The following SPIDR variants were observed in gnomAD, a reference collection of about 807,000 sequenced individuals.
SPIDR encodes scaffold protein involved in DNA repair.
A neutral mutation model predicts 104.6 loss-of-function variants in SPIDR; 93 were observed. That is an observed-to-expected ratio of 0.89 (90% CI 0.75 to 1.06). SPIDR has a LOEUF of 1.06. SPIDR is among the 50% of genes least tolerant of loss of function. SPIDR has a pLI of 0.00. For synonymous variants in SPIDR, 431 were observed against 416.9 expected (o/e 1.03, Z -0.41); for missense variants, 1,154 against 1,111.2 (o/e 1.04, Z -0.55).
chr8:47,288,951 T>C (rs2039392569), intron 3 of SPIDR, among the ~76,000 whole-genome samples: 1 of 152,206 alleles, frequency 6.6e-6, no homozygotes, highest in Admixed American at 6.5e-5. Flanking sequence ...ATATTGTTAG[T>C]TTTTTTCATG....
At chr8:47,564,855 C>T (rs1479027617) in intron 8 of SPIDR, among the ~76,000 whole-genome samples, 1 of 152,102 alleles carries the variant, frequency 6.6e-6, no homozygotes, top group Non-Finnish European at 1.5e-5. Context: ...CCTTGTTCAA[C>T]TTGAGCTTAT....
intron 8 of SPIDR, among the ~76,000 whole-genome samples, chr8:47,486,469 A>C (rs2077633921): frequency 6.6e-6 from 1 of 152,244 alleles, no homozygotes; most frequent in South Asian, 2.1e-4. Flanking sequence ...CTAGTGAGGC[A>C]GACCAACATT....
chr8:47,299,696 C>T (rs2154246151), intron 5 of SPIDR, among the ~76,000 whole-genome samples: 1 of 152,258 alleles, frequency 6.6e-6, no homozygotes, highest in Non-Finnish European at 1.5e-5. Context: ...TTTTCTGCAT[C>T]TATTGAGATA....
At chr8:47,586,339 G>C (rs776532866) in intron 8 of SPIDR, among the ~76,000 whole-genome samples, 1 of 152,094 alleles carries the variant, frequency 6.6e-6, no homozygotes, top group Non-Finnish European at 1.5e-5. Flanking sequence ...CTTTTCCAGA[G>C]TAGTTATACA....
At chr8:47,339,142 C>T (rs1363620502) in intron 5 of SPIDR, among the ~76,000 whole-genome samples, 1 of 152,146 alleles carries the variant, frequency 6.6e-6, no homozygotes, top group East Asian at 1.9e-4. Context: ...AATGATTCAC[C>T]ATTCAAGAAT....
chr8:47,725,861 T>C (rs1314072973), intron 16 of SPIDR, among the ~76,000 whole-genome samples: 1 of 152,278 alleles, frequency 6.6e-6, no homozygotes, highest in African/African-American at 2.4e-5. Flanking sequence ...ATGTAAATGC[T>C]ATTAACACCC....
intron 5 of SPIDR, among the ~76,000 whole-genome samples, chr8:47,349,722 C>T (rs1193160496): frequency 3.9e-5 from 6 of 152,234 alleles, no homozygotes; most frequent in African/African-American, 9.6e-5. Flanking sequence ...AGTTCTATCT[C>T]GGACTGCTGT....
intron 10 of SPIDR, among the ~76,000 whole-genome samples, chr8:47,643,576 G>A (rs2069614642): frequency 1.3e-5 from 2 of 151,884 alleles, no homozygotes; most frequent in Admixed American, 6.6e-5. Context: ...ATCTTGCCCA[G>A]CCTGCTCTCA....
At chr8:47,474,956 T>C (rs2076120534) in intron 8 of SPIDR, among the ~76,000 whole-genome samples, 1 of 152,248 alleles carries the variant, frequency 6.6e-6, no homozygotes, top group African/African-American at 2.4e-5. Context: ...TTGTCATTTT[T>C]CCCAGTAGTT....
chr8:47,642,025 G>A (rs549414140), intron 10 of SPIDR, among the ~76,000 whole-genome samples: 11 of 152,290 alleles, frequency 7.2e-5, no homozygotes, highest in South Asian at 4.1e-4. Context: ...CTCTGCGCAC[G>A]TGTGGGAGCA....
chr8:47,616,938 C>T (rs2064400957), intron 10 of SPIDR, among the ~76,000 whole-genome samples: 1 of 152,196 alleles, frequency 6.6e-6, no homozygotes, highest in Non-Finnish European at 1.5e-5. Flanking sequence ...TCTCCTTAGG[C>T]TCCTGTAGAC....
chr8:47,309,332 T>C (rs1253956364), intron 5 of SPIDR, among the ~76,000 whole-genome samples: 1 of 152,202 alleles, frequency 6.6e-6, no homozygotes, highest in Non-Finnish European at 1.5e-5. Flanking sequence ...GAGTCTGTAT[T>C]TTTTTACTGT....
chr8:47,338,816 C>A (rs570132105), intron 5 of SPIDR, among the ~76,000 whole-genome samples: 1 of 152,170 alleles, frequency 6.6e-6, no homozygotes, highest in Non-Finnish European at 1.5e-5. Context: ...AGGGCTTCCA[C>A]GTATCCTAAG....
At chr8:47,340,425 C>T (rs1178190266) in intron 5 of SPIDR, among the ~76,000 whole-genome samples, 2 of 151,942 alleles carry the variant, frequency 1.3e-5, no homozygotes, top group African/African-American at 4.8e-5. Context: ...GCTAACATGG[C>T]GAAACCCCGT....
At chr8:47,593,902 G>A (rs2061351535) in intron 8 of SPIDR, among the ~76,000 whole-genome samples, 1 of 152,122 alleles carries the variant, frequency 6.6e-6, no homozygotes, top group African/African-American at 2.4e-5. Flanking sequence ...CAGCACCACT[G>A]AGCAGCGGTG....
intron 8 of SPIDR, among the ~76,000 whole-genome samples, chr8:47,522,433 T>C (rs1402955193): frequency 6.6e-6 from 1 of 152,174 alleles, no homozygotes; most frequent in South Asian, 2.1e-4. Context: ...ATTTTCTCCA[T>C]TTGGTTGTCA....
At chr8:47,297,220 C>T (rs1554573361) in intron 5 of SPIDR, among the ~76,000 whole-genome samples, 5 of 152,122 alleles carry the variant, frequency 3.3e-5, no homozygotes, top group Non-Finnish European at 5.9e-5. Context: ...CTTGCCTAAT[C>T]GCTCTTGCCA....
At position 47,291,217 on chromosome 8, in the gene SPIDR, A is replaced by G. The variant is rs1400378220; in HGVS notation, c.361+80A>G. The stretch of plus-strand genomic sequence containing the variant: ...CAGAAGATCAGAGTAATGAAGGTAA[A>G]TTGATAATTTTGTTAGGAATCCAGT... On this transcript the variant is annotated intron_variant, in intron 4 of 19. Transcript: ENST00000297423. 4.1e-5 allele frequency: 38 copies of G among 924,786 alleles called. No homozygotes were observed. In the African/African-American group the frequency reaches 5.3e-4, roughly 13 times the overall value. The allele number at this position is 924,786 out of a possible 1,614,324, so 57.3% of individuals were successfully genotyped here.
intron 8 of SPIDR, among the ~76,000 whole-genome samples, chr8:47,553,723 C>G (rs535892968): frequency 2.6e-5 from 4 of 152,008 alleles, no homozygotes; most frequent in East Asian, 1.9e-4. Flanking sequence ...TTTGTTGTTA[C>G]GATCATCTGA....
Sources: gnomAD v4.1 joint callset for allele counts (sites outside exome capture counted in the v4.1 genomes callset) on GRCh38, gnomAD v4.1.1 for gene constraint, MANE v1.5 for transcripts, NCBI Gene and HGNC (gene_info 2026-07-23, HGNC 2026-07-21) for gene names.